The following CDKN2A variants were observed in gnomAD, a reference collection of about 807,000 sequenced individuals.
CDKN2A encodes cyclin-dependent kinase inhibitor 2A.
CDKN2A carries 3 observed loss-of-function variants against 11.1 expected under a neutral mutation model. The observed-to-expected ratio is 0.27, with a 90% CI of 0.12 to 0.70. The LOEUF is 0.70. Among genes scored for constraint, CDKN2A ranks in the 30% least tolerant of loss-of-function variants. CDKN2A has a pLI of 0.77. For synonymous variants in CDKN2A, 122 were observed against 108.1 expected (o/e 1.13, Z -0.80); for missense variants, 265 against 233.6 (o/e 1.13, Z -0.88).
In CDKN2A at chr9:21,968,468, A is replaced by T; in HGVS notation, c.458-226T>A. 1 of 1,481,300 alleles carries T rather than the reference A, an allele frequency of 6.8e-7. No homozygotes were observed. The highest frequency in any genetic ancestry group is 8.9e-7 in the Non-Finnish European group (1 of 1,120,608). The allele number at this position is 1,481,300 out of a possible 1,614,324, so 91.8% of individuals were successfully genotyped here. On this transcript the variant is annotated intron_variant, in intron 2 of 2. Coordinates refer to ENST00000304494, the MANE Select transcript of CDKN2A (RefSeq NM_000077.5). The surrounding 1 kb of genome is among the most constrained non-coding windows in gnomAD (Gnocchi z 4.7). ...CTGCTCCAGGCGCGCCGACCGCTCA[A>T]GCGCTCCAGGTCCACCCGGCGGAGG...
At chr9:21,976,093 T>C (rs1277596131), upstream of CDKN2A, among the ~76,000 whole-genome samples, 2 of 152,078 alleles carry the variant, frequency 1.3e-5, no homozygotes. Context: ...AGAAAATGCT[T>C]TGGAGCAGGA....
chr9:21,988,359 A>T lies in CDKN2A; in HGVS notation c.-4+5523T>A, dbSNP rs1254642687. Among the ~76,000 whole-genome samples the T allele has an allele frequency of 1.3e-5, 2 of 152,122 alleles. No homozygotes were observed. Among genetic ancestry groups the T allele is most frequent in the Non-Finnish European group, 2.9e-5 (2 of 68,016 alleles). ...AATCAACATACTATTTTTTGAAAGG[A>T]CCTCTGATGCTTTGGGAATTTCAAT... is the stretch of plus-strand genomic sequence containing the variant. On this transcript the variant is annotated intron_variant, in intron 2 of 3. Transcript: ENST00000494262. This position sits in a 1 kb window ranked among gnomAD's most constrained non-coding sequence, Gnocchi z 4.1.
At chr9:21,969,374 C>A (rs749929073) in intron 2 of CDKN2A, among the ~76,000 whole-genome samples, 11 of 152,036 alleles carry the variant, frequency 7.2e-5, no homozygotes, top group Non-Finnish European at 8.8e-5. Flanking sequence ...GGCAACAGAT[C>A]GACTCTGTCT....
chr9:21,990,649 A>AGAGAGAGAGAGAGAGAGAGAGG (rs1396090431), intron 2 of CDKN2A, among the ~76,000 whole-genome samples: 9 of 150,232 alleles, frequency 6.0e-5, no homozygotes, highest in Non-Finnish European at 1.0e-4. Flanking sequence ...AGAGAGAGAG[A>AGAGAGAGAGAGAGAGAGAGAGG]GAAACTGTTT....
intron 2 of CDKN2A, chr9:21,992,171 A>C: frequency 2.5e-6 from 2 of 815,460 alleles, no homozygotes; most frequent in Non-Finnish European, 3.0e-6. Flanking sequence ...ATTTGCAATG[A>C]TATTAAATAA....
intron 2 of CDKN2A, among the ~76,000 whole-genome samples, chr9:21,986,622 T>A (rs1050391270): frequency 6.6e-6 from 1 of 151,866 alleles, no homozygotes; most frequent in East Asian, 1.9e-4. Context: ...AAATGAAACA[T>A]TGAAAACATA....
intron 1 of CDKN2A, chr9:21,994,109 C>A (rs1043213557): frequency 2.5e-6 from 4 of 1,592,612 alleles, no homozygotes; most frequent in African/African-American, 1.3e-5. Flanking sequence ...GTGCCGAATG[C>A]GCCCCGGACT....
rs757840893 is a variant in CDKN2A, at chr9:21,994,124, G to A, written c.-175-71C>T. The A allele has an allele frequency of 1.3e-5, 21 of 1,599,274 alleles. No homozygotes were observed. The highest frequency in any genetic ancestry group is 1.5e-5 in the Non-Finnish European group (18 of 1,179,466). ...GTGCCGAATGCGCCCCGGACTTTTC[G>A]AGGGCCTTTCCTACCTGGTCTTCTA... On this transcript the variant is annotated intron_variant, in intron 1 of 3. Transcript: ENST00000494262.
At chr9:21,977,458 C>CG (rs1333530660), upstream of CDKN2A, among the ~76,000 whole-genome samples, 1 of 152,090 alleles carries the variant, frequency 6.6e-6, no homozygotes, top group Non-Finnish European at 1.5e-5. Flanking sequence ...CTCCGCCTCC[C>CG]GGGTTCGAGC....
At chr9:21,984,791 G>A (rs1051385759) in intron 2 of CDKN2A, among the ~76,000 whole-genome samples, 1 of 151,838 alleles carries the variant, frequency 6.6e-6, no homozygotes, top group Non-Finnish European at 1.5e-5. Flanking sequence ...TCCCCCTTTT[G>A]CCCCTCTAAA....
At chr9:21,994,142 G>C (rs1427767413) in intron 1 of CDKN2A, 1 of 1,601,068 alleles carries the variant, frequency 6.2e-7, no homozygotes, top group Non-Finnish European at 8.5e-7. Context: ...TTCCTACCTG[G>C]TCTTCTAGGA....
At chr9:21,975,028 T>G (rs1819981479), upstream of CDKN2A, 2 of 1,378,960 alleles carry the variant, frequency 1.5e-6, no homozygotes, top group Non-Finnish European at 1.9e-6. Flanking sequence ...CGTGAGCGAG[T>G]GCTCGGAGGA....
chr9:21,971,014 C>T lies in CDKN2A; in HGVS notation c.345G>A (p.Val115=), dbSNP rs1819693631. 6.2e-7 allele frequency: 1 copy of T among 1,607,988 alleles called. No individual in the cohort carries two copies. The highest frequency in any genetic ancestry group is 1.1e-5 in the South Asian group (1 of 90,990). The change falls in exon 2 of 3, where the codon GTG becomes GTA. Residue 115 remains valine, a synonymous_variant. Transcript: ENST00000304494. The stretch of plus-strand genomic sequence containing the variant: ...GATGGCCCAGCTCCTCAGCCAGGTC[C>T]ACGGGCAGACGGCCCCAGGCATCGC... ...DVRDAWGRLP[V]DLAEELGHRD...
At chr9:21,978,669 T>A (rs1012656743), upstream of CDKN2A, among the ~76,000 whole-genome samples, 2 of 152,260 alleles carry the variant, frequency 1.3e-5, no homozygotes, top group African/African-American at 4.8e-5. Context: ...TTGAAAATTC[T>A]ACACGTGAAA....
At chr9:21,993,436 C>A (rs1820485173) in intron 2 of CDKN2A, among the ~76,000 whole-genome samples, 1 of 152,202 alleles carries the variant, frequency 6.6e-6, no homozygotes, top group Admixed American at 6.5e-5. Flanking sequence ...AGGAACAGTT[C>A]TACAGTTCTG....
At chr9:21,969,195 C>G (rs1258757885) in intron 2 of CDKN2A, among the ~76,000 whole-genome samples, 1 of 152,044 alleles carries the variant, frequency 6.6e-6, no homozygotes, top group Non-Finnish European at 1.5e-5. Context: ...TCGCTTGAGC[C>G]CAGATAACAT....
chr9:21,994,599 G>A, intron 1 of CDKN2A: 1 of 743,824 alleles, frequency 1.3e-6, no homozygotes, highest in Non-Finnish European at 1.9e-6. Context: ...AGGGCTGCCG[G>A]AGGCGCCCGT....
chr9:21,990,312 G>C (rs750906469), intron 2 of CDKN2A, among the ~76,000 whole-genome samples: 6 of 152,120 alleles, frequency 3.9e-5, no homozygotes, highest in Non-Finnish European at 5.9e-5. Flanking sequence ...GCATTTCACA[G>C]TCTGACGTCA....
At chr9:21,994,019 C>T (rs2131147503) in exon 2 of CDKN2A, 2 of 1,134,904 alleles carry the variant, frequency 1.8e-6, no homozygotes, top group Non-Finnish European at 2.6e-6. Context: ...GGGAAGCCTC[C>T]ACCGGCGGTT....
Sources: allele counts gnomAD v4.1 joint callset (sites outside exome capture counted in the v4.1 genomes callset), GRCh38; gene constraint gnomAD v4.1.1; non-coding constraint Gnocchi (gnomAD v3.1); transcripts MANE v1.5; gene names NCBI Gene and HGNC (gene_info 2026-07-23, HGNC 2026-07-21).